Variants in SPAG16 observed in about 807,000 individuals in gnomAD.
The protein encoded by SPAG16 is sperm-associated antigen 16 protein.
In SPAG16, 86 loss-of-function variants were observed where a neutral mutation model predicts 80.4. The observed-to-expected ratio is 1.07, with a 90% CI of 0.90 to 1.28. The LOEUF (loss-of-function observed/expected upper bound fraction) is 1.28, where lower values mean the gene tolerates loss of function less well. Ranked by LOEUF, SPAG16 falls within the 50% of genes most tolerant of loss-of-function variation. The pLI is 0.00. For missense variants in SPAG16, 870 were observed against 765.3 expected, an observed-to-expected ratio of 1.14 and a Z score of -1.61; for synonymous variants, 294 against 265.9, an observed-to-expected ratio of 1.11 and a Z score of -1.03.
intron 5 of SPAG16, among the ~76,000 whole-genome samples, chr2:213,335,592 C>T (rs1202350654): frequency 6.6e-6 from 1 of 152,026 alleles, no homozygotes; most frequent in East Asian, 1.9e-4. Context: ...AAATTATATT[C>T]TTGATATACG....
chr2:213,300,407 C>T (rs1421709826), intron 3 of SPAG16, among the ~76,000 whole-genome samples: 1 of 152,196 alleles, frequency 6.6e-6, no homozygotes, highest in East Asian at 1.9e-4. Flanking sequence ...ATCAATAGTT[C>T]TCAAAGTATT....
chr2:213,591,634 G>C (rs897733562), intron 10 of SPAG16, among the ~76,000 whole-genome samples: 2 of 152,168 alleles, frequency 1.3e-5, no homozygotes, highest in Admixed American at 1.3e-4. Context: ...CTGCAATGAG[G>C]TTTTGTGGTG....
At chr2:214,194,105 G>A (rs989195452) in intron 15 of SPAG16, among the ~76,000 whole-genome samples, 5 of 152,040 alleles carry the variant, frequency 3.3e-5, no homozygotes, top group Admixed American at 6.6e-5. Flanking sequence ...GACTGTAACT[G>A]ACTCATTCTA....
rs1489891568 is a variant in SPAG16, at chr2:213,486,766, CTT to C, written c.943-3196_943-3195del. Among the ~76,000 whole-genome samples the C allele has an allele frequency of 1.3e-5, 2 of 151,898 alleles. 1 individual carries two copies. Among genetic ancestry groups the C allele is most frequent in the African/African-American group, 4.8e-5 (2 of 41,292 alleles). ...ATCAATATCCCAGGAGAATATTAAACTTATAATTTGATTAATATAGAATTATT... is the reference window on the plus strand; with the variant it reads ...ATCAATATCCCAGGAGAATATTAAACATAATTTGATTAATATAGAATTATT... On this transcript the variant is annotated intron_variant, in intron 9 of 15. Transcript: ENST00000331683.
At chr2:214,033,076 A>G (rs2048502989) in intron 13 of SPAG16, among the ~76,000 whole-genome samples, 1 of 152,216 alleles carries the variant, frequency 6.6e-6, no homozygotes, top group Non-Finnish European at 1.5e-5. Context: ...TTTTCCTGCA[A>G]TTATTGGAAA....
chr2:213,350,524 A>G lies in SPAG16; in HGVS notation c.645-4A>G, dbSNP rs368338111. The G allele has an allele frequency of 6.6e-6, 10 of 1,505,544 alleles. No homozygotes were observed. The African/African-American group carries it at 7.1e-5, about 11-fold the overall frequency. The allele number at this position is 1,505,544 out of a possible 1,614,324, so 93.3% of individuals were successfully genotyped here. A position where few individuals can be genotyped will look rare whatever the true frequency, so the allele number is the denominator to read the frequency against. Reference sequence around the variant, plus strand: ...TAAGATGCTATTGACTTTATTTTTTATAGGTTGAAGTTACATTATGCATCT... The same window carrying G: ...TAAGATGCTATTGACTTTATTTTTTGTAGGTTGAAGTTACATTATGCATCT... On this transcript the variant is annotated splice_polypyrimidine_tract_variant and splice_region_variant and intron_variant, in intron 6 of 15. Coordinates refer to ENST00000331683, the MANE Select transcript of SPAG16 (RefSeq NM_024532.5).
At chr2:214,037,905 G>GTGTC in intron 13 of SPAG16, among the ~76,000 whole-genome samples, 2 of 136,850 alleles carry the variant, frequency 1.5e-5, no homozygotes, top group East Asian at 3.9e-4. Context: ...GTGTGTGTGT[G>GTGTC]TGTGTGTGTA....
chr2:214,211,259 A>G (rs2125748209), intron 15 of SPAG16, among the ~76,000 whole-genome samples: 1 of 152,296 alleles, frequency 6.6e-6, no homozygotes, highest in East Asian at 1.9e-4. Flanking sequence ...AAAATATCTG[A>G]GACCTACTCT....
At chr2:214,275,604 T>A (rs2125902877) in intron 15 of SPAG16, among the ~76,000 whole-genome samples, 1 of 152,354 alleles carries the variant, frequency 6.6e-6, no homozygotes, top group South Asian at 2.1e-4. Context: ...TGTGCCATTT[T>A]GAGTGAGTTT....
intron 10 of SPAG16, among the ~76,000 whole-genome samples, chr2:213,652,680 T>C (rs998470145): frequency 6.6e-6 from 1 of 152,166 alleles, no homozygotes; most frequent in African/African-American, 2.4e-5. Context: ...TATTTGTCTG[T>C]TAATGTCTTT....
At chr2:213,485,888 C>T (rs1040070652) in intron 9 of SPAG16, among the ~76,000 whole-genome samples, 13 of 151,938 alleles carry the variant, frequency 8.6e-5, no homozygotes, top group South Asian at 4.2e-4. Context: ...CTTGGCTTCC[C>T]GTGGGATGCC....
chr2:213,729,905 T>C (rs1454449249), intron 10 of SPAG16, among the ~76,000 whole-genome samples: 1 of 152,200 alleles, frequency 6.6e-6, no homozygotes, highest in East Asian at 1.9e-4. Flanking sequence ...ATTTAATGTC[T>C]AGATGAACTC....
intron 9 of SPAG16, among the ~76,000 whole-genome samples, chr2:213,413,254 C>T (rs1303878059): frequency 6.6e-6 from 1 of 151,908 alleles, no homozygotes; most frequent in East Asian, 1.9e-4. Context: ...AAAACTAATC[C>T]TAAGTGTTCA....
At chr2:214,266,343 G>T (rs1451498535) in intron 15 of SPAG16, among the ~76,000 whole-genome samples, 1 of 151,882 alleles carries the variant, frequency 6.6e-6, no homozygotes, top group Non-Finnish European at 1.5e-5. Flanking sequence ...AATGTTGAAT[G>T]ATTTGCATGG....
At chr2:213,694,497 G>A (rs577678516) in intron 10 of SPAG16, among the ~76,000 whole-genome samples, 1 of 152,186 alleles carries the variant, frequency 6.6e-6, no homozygotes, top group South Asian at 2.1e-4. Context: ...GTGGAAATGT[G>A]GTATAGCCAA....
intron 9 of SPAG16, among the ~76,000 whole-genome samples, chr2:213,386,536 C>T (rs1357571267): frequency 2.0e-5 from 3 of 152,156 alleles, no homozygotes; most frequent in Non-Finnish European, 4.4e-5. Flanking sequence ...CTAAAACATG[C>T]CTCTATAAGC....
intron 13 of SPAG16, among the ~76,000 whole-genome samples, chr2:214,025,932 C>T (rs1294930160): frequency 6.6e-6 from 1 of 151,356 alleles, no homozygotes; most frequent in African/African-American, 2.4e-5. Flanking sequence ...AAAAGATTTA[C>T]TAAGATGGTC....
intron 13 of SPAG16, among the ~76,000 whole-genome samples, chr2:214,100,629 G>C (rs1361843642): frequency 2.0e-5 from 3 of 152,016 alleles, no homozygotes; most frequent in African/African-American, 7.2e-5. Flanking sequence ...ACCAAAACAT[G>C]TGGTATTTCG....
At chr2:214,410,049 A>G in intron 15 of SPAG16, 91 bp from the exon 16 acceptor site, 5 of 1,441,466 alleles carry the variant, frequency 3.5e-6, no homozygotes, top group Non-Finnish European at 9.6e-7. Flanking sequence ...GATAATTGAA[A>G]AAAATAGAAT....
Sources: gnomAD v4.1 joint callset for allele counts (sites outside exome capture counted in the v4.1 genomes callset) on GRCh38, gnomAD v4.1.1 for gene constraint, MANE v1.5 for transcripts, NCBI Gene and HGNC (gene_info 2026-07-23, HGNC 2026-07-21) for gene names.